KALRN: variants seen among roughly 807,000 people sequenced by gnomAD.
The protein encoded by KALRN is kalirin.
A neutral mutation model predicts 353.7 loss-of-function variants in KALRN; 70 were observed. That is an observed-to-expected ratio of 0.20 (90% CI 0.16 to 0.24). The LOEUF (loss-of-function observed/expected upper bound fraction) is 0.24. Ranked by LOEUF, KALRN falls within the 10% of genes least tolerant of loss-of-function variation. KALRN has a pLI of 1.00. For synonymous variants in KALRN, 1,391 were observed against 1,434.8 expected (o/e 0.97, Z 0.69); for missense variants, 2,791 against 3,756.7 (o/e 0.74, Z 6.72).
intron 32 of KALRN, among the ~76,000 whole-genome samples, chr3:124,495,231 A>G (rs568597482): frequency 6.6e-6 from 1 of 152,238 alleles, no homozygotes; most frequent in Admixed American, 6.5e-5. Flanking sequence ...ACTGTTCACC[A>G]ATCTTTGAGA....
chr3:124,482,545 G>T (rs1389136127), intron 27 of KALRN, among the ~76,000 whole-genome samples: 2 of 151,508 alleles, frequency 1.3e-5, no homozygotes, highest in Non-Finnish European at 2.9e-5. Flanking sequence ...CTCCATTTTT[G>T]CTCAATTTCT....
chr3:124,519,056 A>G, intron 33 of KALRN: 1 of 985,594 alleles, frequency 1.0e-6, no homozygotes, highest in Non-Finnish European at 1.2e-6. Flanking sequence ...TTCCTCAACA[A>G]TTTTTCTATT....
rs79781847 is a variant in KALRN at position 124,322,679 on chromosome 3, C to T, written c.1093-3301C>T. Among the ~76,000 whole-genome samples, 189 of 152,290 alleles carry T rather than the reference C, an allele frequency of 1.2e-3. 4 individuals are homozygous for T. Among genetic ancestry groups the T allele is most frequent in the African/African-American group, 4.4e-3 (183 of 41,560 alleles). ...GGATTGACCAAAGGCCATGAAAAGT[C>T]GTTTATGCTTAATGAGTAAGCACTC... On this transcript the variant is annotated intron_variant, in intron 6 of 59. Coordinates refer to ENST00000682506, the MANE Select transcript of KALRN (RefSeq NM_001388419.1).
At chr3:124,668,666 T>C (rs888636129) in intron 47 of KALRN, among the ~76,000 whole-genome samples, 5 of 152,222 alleles carry the variant, frequency 3.3e-5, no homozygotes, top group Admixed American at 3.3e-4. Flanking sequence ...AAAAAAAATT[T>C]GGTGAAAAAC....
intron 17 of KALRN, among the ~76,000 whole-genome samples, chr3:124,435,131 G>A (rs751828777): frequency 6.6e-5 from 10 of 152,220 alleles, no homozygotes; most frequent in African/African-American, 9.6e-5. Context: ...TAAGTCACAT[G>A]GCCAAGCCAA....
chr3:124,347,864 T>C (rs2082436126), intron 10 of KALRN, among the ~76,000 whole-genome samples: 1 of 152,240 alleles, frequency 6.6e-6, no homozygotes, highest in Admixed American at 6.5e-5. Flanking sequence ...TTATATAATG[T>C]TCAGTCTTTT....
At chr3:124,565,819 A>G (rs563275331) in intron 34 of KALRN, among the ~76,000 whole-genome samples, 6 of 152,358 alleles carry the variant, frequency 3.9e-5, no homozygotes, top group South Asian at 2.1e-4. Flanking sequence ...GCAGTGTCAG[A>G]GTCAATCTGT....
Position 124,658,434 on chromosome 3 carries a change from C to A in KALRN, c.6040C>A (p.Arg2014=). 1 of 1,611,904 alleles carries A rather than the reference C, an allele frequency of 6.2e-7. No individual in the cohort carries two copies. Among genetic ancestry groups the A allele is most frequent in the South Asian group, 1.1e-5 (1 of 91,036 alleles). The change falls in exon 42 of 60, where the codon CGG becomes AGG. Residue 2014 remains arginine (R), a synonymous_variant. Transcript: ENST00000682506. ...RLAQLFIKHE[R]KLHIYVWYCQ... is the part of the protein sequence containing the mutation. ...ATGTCTCTCTCTGCTCTTTCAGGAGCGGAAGCTGCACATCTACGTGTGGTA... is the reference window on the plus strand; with the variant it reads ...ATGTCTCTCTCTGCTCTTTCAGGAGAGGAAGCTGCACATCTACGTGTGGTA...
intron 30 of KALRN, 76 bp downstream of exon 30, chr3:124,490,960 C>G: frequency 7.7e-7 from 1 of 1,299,602 alleles, no homozygotes; most frequent in Admixed American, 2.1e-5. Flanking sequence ...TCTGGACACA[C>G]TCATCTCATC....
In KALRN at chr3:124,681,545, T is replaced by C. The variant is rs140522652; in HGVS notation, c.7377+2028T>C. On this transcript the variant is annotated intron_variant, in intron 51 of 59. Transcript: ENST00000682506. ...GTAGCTGGAACCTCAAGGAGGCATG[T>C]TGTTGGAAGCAGCAATATCCCCAGT... is the stretch of plus-strand genomic sequence containing the variant. 5.9e-5 allele frequency among the ~76,000 whole-genome samples: 9 copies of C among 152,262 alleles called. No individual in the cohort carries two copies. The East Asian group carries it at 1.7e-3, about 29-fold the overall frequency.
chr3:124,669,642 G>A (rs920165639), intron 47 of KALRN, among the ~76,000 whole-genome samples: 4 of 152,066 alleles, frequency 2.6e-5, no homozygotes, highest in East Asian at 1.9e-4. Flanking sequence ...CCTTTACTTC[G>A]TTCCAAGAGA....
Position 124,268,482 on chromosome 3 carries a change from G to A in KALRN, c.457-261G>A. The A allele has an allele frequency of 2.1e-5, 10 of 483,938 alleles. No homozygotes were observed. The South Asian group carries it at 2.7e-4, about 13-fold the overall frequency. 30.0% of individuals were successfully genotyped at this position (483,938 alleles called of 1,614,324 possible). ...GAGGAGGGAAAATGAGGAGAGGAGGGACACAAAAGCAGTTCTTCTGGGGTG... is the reference window on the plus strand; with the variant it reads ...GAGGAGGGAAAATGAGGAGAGGAGGAACACAAAAGCAGTTCTTCTGGGGTG... On this transcript the variant is annotated intron_variant, in intron 4 of 59. Transcript: ENST00000682506.
chr3:124,494,359 C>A (rs1165940483), intron 32 of KALRN, among the ~76,000 whole-genome samples: 1 of 152,206 alleles, frequency 6.6e-6, no homozygotes, highest in Non-Finnish European at 1.5e-5. Flanking sequence ...CTCCCCACAT[C>A]CCCCCAGAAG....
chr3:124,374,450 A>G (rs761240407), intron 10 of KALRN: 4 of 152,246 alleles, frequency 2.6e-5, no homozygotes, highest in Non-Finnish European at 4.4e-5. Context: ...GTATATAGGC[A>G]TAACCTCAGG....
intron 45 of KALRN, 109 bp downstream of exon 45, chr3:124,662,037 C>G: frequency 2.3e-6 from 2 of 857,624 alleles, no homozygotes; most frequent in South Asian, 2.7e-5. Flanking sequence ...GCCTCCTTCA[C>G]TCACCACTAT....
At chr3:124,240,170 C>G (rs2080260488) in intron 3 of KALRN, among the ~76,000 whole-genome samples, 1 of 152,186 alleles carries the variant, frequency 6.6e-6, no homozygotes, top group African/African-American at 2.4e-5. Context: ...TTCTACCATG[C>G]TGCTAGGAAA....
chr3:124,100,626 T>C (rs906365791), intron 1 of KALRN: 1 of 152,194 alleles, frequency 6.6e-6, no homozygotes, highest in Admixed American at 6.5e-5. Flanking sequence ...GGCTAAGACC[T>C]CAAAAGCACA....
chr3:124,288,310 G>C (rs1019743271), intron 5 of KALRN, among the ~76,000 whole-genome samples: 2 of 152,196 alleles, frequency 1.3e-5, no homozygotes, highest in Non-Finnish European at 2.9e-5. Flanking sequence ...GTCAAGAAAG[G>C]CATCAGGAGG....
intron 34 of KALRN, among the ~76,000 whole-genome samples, chr3:124,583,414 G>A (rs2074816578): frequency 6.6e-6 from 1 of 152,166 alleles, no homozygotes; most frequent in African/African-American, 2.4e-5. Context: ...CAAGGGGGTT[G>A]TGGAAAGCAA....
Sources: gnomAD v4.1 joint callset for allele counts (sites outside exome capture counted in the v4.1 genomes callset) on GRCh38, gnomAD v4.1.1 for gene constraint, MANE v1.5 for transcripts, NCBI Gene and HGNC (gene_info 2026-07-23, HGNC 2026-07-21) for gene names.